The following GBP3 variants were observed in gnomAD, a reference collection of about 807,000 sequenced individuals.
The protein encoded by GBP3 is guanylate-binding protein 3.
A neutral mutation model predicts 62.4 loss-of-function variants in GBP3; 55 were observed. The observed-to-expected ratio is 0.88, with a 90% CI of 0.71 to 1.10. GBP3 has a LOEUF of 1.10. Ranked by LOEUF, GBP3 falls within the 50% of genes least tolerant of loss-of-function variation. GBP3 has a pLI of 0.00. For synonymous variants in GBP3, 208 were observed against 259.2 expected (o/e 0.80, Z 1.90); for missense variants, 605 against 690.6 (o/e 0.88, Z 1.39).
At chr1:89,009,974 A>AT (rs987303424) in intron 8 of GBP3, among the ~76,000 whole-genome samples, 12 of 152,040 alleles carry the variant, frequency 7.9e-5, no homozygotes, top group East Asian at 1.9e-4. Flanking sequence ...ATGAATTACC[A>AT]TTTTTTTTAA....
intron 2 of GBP3, among the ~76,000 whole-genome samples, chr1:89,015,696 A>G (rs1313703242): frequency 6.8e-6 from 1 of 147,738 alleles, no homozygotes; most frequent in East Asian, 2.1e-4. Flanking sequence ...GTGAGCTGAG[A>G]TAGCACCACT....
chr1:89,015,516 C>T, intron 2 of GBP3, 102 bp from the exon 3 acceptor site: 1 of 1,091,902 alleles, frequency 9.2e-7, no homozygotes, highest in Non-Finnish European at 1.3e-6. Flanking sequence ...AGAGAGATAA[C>T]CAAAACCACA....
intron 1 of GBP3, among the ~76,000 whole-genome samples, chr1:89,021,788 T>TATGAGA (rs750540738): frequency 1.5e-5 from 1 of 65,312 alleles, no homozygotes; most frequent in Non-Finnish European, 3.2e-5. Flanking sequence ...GCTGGAAAGA[T>TATGAGA]GAGAGAGAGA....
At position 89,017,054 on chromosome 1, in the gene GBP3, A is replaced by G. The variant is rs1183815491; in HGVS notation, c.191-1640T>C. On this transcript the variant is annotated intron_variant, in intron 2 of 10. Transcript: ENST00000370481. ...TTCAAGAGATCCCCAAATTGTCAAA[A>G]TAATCTCAAAAAGGAAGAAGAAAGT... 2.6e-5 allele frequency among the ~76,000 whole-genome samples: 4 copies of G among 152,360 alleles called. No homozygotes were observed. In the East Asian group the frequency reaches 7.7e-4, roughly 29 times the overall value.
At chr1:89,009,338 T>C in intron 9 of GBP3, 54 bp downstream of exon 9, 1 of 1,562,150 alleles carries the variant, frequency 6.4e-7, no homozygotes, top group East Asian at 2.3e-5. Flanking sequence ...TTTGAAAAAT[T>C]ATTTAAAATT....
At chr1:89,008,904 G>C in intron 10 of GBP3, 43 bp downstream of exon 10, 5 of 1,613,600 alleles carry the variant, frequency 3.1e-6, no homozygotes, top group Non-Finnish European at 4.2e-6. Context: ...GAAGAACAGA[G>C]AGAAAACAGA....
At chr1:89,014,424 C>T (rs1378154609) in intron 4 of GBP3, 123 bp downstream of exon 4, 93 of 1,598,870 alleles carry the variant, frequency 5.8e-5, no homozygotes, top group Non-Finnish European at 7.9e-5. Flanking sequence ...CTCCTCTGTA[C>T]TTGCATTATT....
chr1:89,014,982 C>G (rs1388827495), intron 3 of GBP3, among the ~76,000 whole-genome samples: 1 of 152,184 alleles, frequency 6.6e-6, no homozygotes, highest in Non-Finnish European at 1.5e-5. Flanking sequence ...ATTATAAGTT[C>G]TTTGCAGGAT....
At position 89,006,937 on chromosome 1, in the gene GBP3, A is replaced by T. The variant is rs1678248343; in HGVS notation, c.*787T>A. 1 of 152,256 alleles carries T rather than the reference A, an allele frequency of 6.6e-6. No individual in the cohort carries two copies. The highest frequency in any genetic ancestry group is 1.5e-5 in the Non-Finnish European group (1 of 68,038). 9.4% of individuals were successfully genotyped at this position (152,256 alleles called of 1,614,324 possible). ...TATGCTTTAGGATTAAAACAATCAA[A>T]TAATTAAATTAGTTCAATTTTCTAA... is the stretch of plus-strand genomic sequence containing the variant. On this transcript the variant is annotated 3_prime_UTR_variant, in exon 11 of 11. Coordinates refer to ENST00000370481, the MANE Select transcript of GBP3 (RefSeq NM_018284.3).
intron 2 of GBP3, among the ~76,000 whole-genome samples, chr1:89,016,988 T>C (rs924605617): frequency 1.3e-5 from 2 of 152,128 alleles, no homozygotes; most frequent in African/African-American, 2.4e-5. Flanking sequence ...TTTTTATAAA[T>C]AAAAACATCA....
intron 10 of GBP3, 70 bp downstream of exon 10, chr1:89,008,877 A>G (rs1678385498): frequency 1.9e-6 from 3 of 1,610,184 alleles, no homozygotes; most frequent in Non-Finnish European, 2.5e-6. Flanking sequence ...GCTCTGCCAT[A>G]CTAAGTTTGT....
chr1:89,021,829 G>GTGCC (rs1557735029), intron 1 of GBP3, among the ~76,000 whole-genome samples: 14 of 147,656 alleles, frequency 9.5e-5, no homozygotes, highest in Middle Eastern at 3.5e-3. Context: ...GAGAGAGAGA[G>GTGCC]AGAAAGTGCC....
At chr1:89,018,110 A>C (rs900469864) in intron 2 of GBP3, among the ~76,000 whole-genome samples, 13 of 152,132 alleles carry the variant, frequency 8.5e-5, no homozygotes, top group African/African-American at 3.1e-4. Context: ...AACTGTAGGG[A>C]GACCCCGTGA....
At chr1:89,019,946 C>T (rs1469067507) in intron 2 of GBP3, among the ~76,000 whole-genome samples, 1 of 152,180 alleles carries the variant, frequency 6.6e-6, no homozygotes, top group Non-Finnish European at 1.5e-5. Flanking sequence ...AAATCCAATA[C>T]AGACTGAAAC....
At position 89,014,656 on chromosome 1, in the gene GBP3, C is replaced by T. The variant is rs1263331310; in HGVS notation, c.319G>A (p.Gly107Ser). 2.0e-5 allele frequency: 33 copies of T among 1,613,830 alleles called. No individual in the cohort carries two copies. The highest frequency in any genetic ancestry group is 2.8e-5 in the Non-Finnish European group (33 of 1,179,936). ...ATCCAGGAGTCATTCTGGTTGTCACCCTGGAAGTCAAGACACACTGGAGTC... is the reference window on the plus strand; with the variant it reads ...ATCCAGGAGTCATTCTGGTTGTCACTCTGGAAGTCAAGACACACTGGAGTC... ...DTEGLGDVKKGDNQNDSWIFT... is the reference protein window; with the variant it reads ...DTEGLGDVKKSDNQNDSWIFT... Residue 107 changes from glycine (G) to serine (S), a missense_variant and splice_region_variant, in exon 4 of 11, where the codon GGT becomes AGT. Gly to Ser is a moderately conservative substitution (Grantham distance 56). Around this residue, in one of 3 missense-constraint regions of GBP3, gnomAD observed 308 missense variants for 318.0 expected, o/e 0.97. Transcript: ENST00000370481.
At chr1:89,017,523 T>C (rs1462594894) in intron 2 of GBP3, among the ~76,000 whole-genome samples, 1 of 152,040 alleles carries the variant, frequency 6.6e-6, no homozygotes, top group East Asian at 1.9e-4. Context: ...ATCAACAGAA[T>C]AAAAAGGCAA....
chr1:89,010,234 G>GCCT (rs1369868732), intron 8 of GBP3, among the ~76,000 whole-genome samples: 1 of 148,244 alleles, frequency 6.7e-6, no homozygotes, highest in African/African-American at 2.4e-5. Context: ...TGATTCTCCT[G>GCCT]CCTCAGCCTC....
At chr1:89,008,803 C>G in intron 10 of GBP3, 144 bp downstream of exon 10, 1 of 1,462,950 alleles carries the variant, frequency 6.8e-7, no homozygotes, top group Non-Finnish European at 9.0e-7. Flanking sequence ...CATTTCAAGT[C>G]AGACAGACAG....
At chr1:89,010,124 A>ATT (rs3065858) in intron 8 of GBP3, among the ~76,000 whole-genome samples, 1 of 144,450 alleles carries the variant, frequency 6.9e-6, no homozygotes, top group Non-Finnish European at 1.5e-5. Context: ...TAATTAACTA[A>ATT]TTTTTTTTTT....
Sources: gnomAD v4.1 joint callset for allele counts (sites outside exome capture counted in the v4.1 genomes callset) on GRCh38, gnomAD v4.1.1 for gene constraint, gnomAD v4.1.1 regional missense constraint, MANE v1.5 for transcripts, NCBI Gene and HGNC (gene_info 2026-07-23, HGNC 2026-07-21) for gene names.